Variants in STIMATE observed in about 807,000 individuals in gnomAD.
The protein encoded by STIMATE is STIM activating enhancer, also known as store-operated calcium entry regulator STIMATE.
In STIMATE, 15 loss-of-function variants were observed where a neutral mutation model predicts 36.7. The ratio of observed to expected loss-of-function variants is 0.41; its 90% CI spans 0.27 to 0.63. The LOEUF (loss-of-function observed/expected upper bound fraction) is 0.63. Ranked by LOEUF, STIMATE falls within the 20% of genes least tolerant of loss-of-function variation. The pLI is 0.32. For synonymous variants in STIMATE, 163 were observed against 162.3 expected (o/e 1.00, Z -0.03); for missense variants, 305 against 397.3 (o/e 0.77, Z 1.98).
In STIMATE at chr3:52,887,994, G is replaced by GTTTTTT. The variant is rs71087029; in HGVS notation, c.160+9291_160+9296dup. 1.3e-4 allele frequency among the ~76,000 whole-genome samples: 7 copies of GTTTTTT among 52,718 alleles called. 2 individuals are homozygous for GTTTTTT. Among genetic ancestry groups the GTTTTTT allele is most frequent in the Admixed American group, 3.0e-4 (1 of 3,368 alleles). The allele number at this position is 52,718 out of a possible 152,430, so 34.6% of individuals were successfully genotyped here. ...GCTCTAACTTCATATAACAGAATCA[G>GTTTTTT]TTTTTTTTTTTTTTTTTTTTTTTTT... On this transcript the variant is annotated intron_variant, in intron 1 of 7. Transcript: ENST00000355083.
chr3:52,872,027 G>GA (rs1477361178), intron 1 of STIMATE, among the ~76,000 whole-genome samples: 2 of 152,078 alleles, frequency 1.3e-5, no homozygotes, highest in African/African-American at 4.8e-5. Context: ...CTTCTCCCGG[G>GA]TCACCAAGTG....
Position 52,840,296 on chromosome 3 carries a change from T to C in STIMATE, c.*198A>G, listed in dbSNP as rs1700773185. The C allele has an allele frequency of 3.6e-6, 2 of 555,394 alleles. No individual in the cohort carries two copies. Among genetic ancestry groups the C allele is most frequent in the South Asian group, 2.5e-5 (1 of 39,740 alleles). 34.4% of individuals were successfully genotyped at this position (555,394 alleles called of 1,614,324 possible). A position where few individuals can be genotyped will look rare whatever the true frequency, so the allele number is the denominator to read the frequency against. ...CTGAATGGGGACCTCCAGCCGCCAG[T>C]GGCCCCCTCGGGCGCTGGCTCCTCT... On this transcript the variant is annotated 3_prime_UTR_variant, in exon 8 of 8. Transcript: ENST00000355083.
intron 2 of STIMATE, among the ~76,000 whole-genome samples, 170 bp from the exon 3 acceptor site, chr3:52,852,868 T>A (rs575757721): frequency 6.6e-6 from 1 of 152,232 alleles, no homozygotes; most frequent in Non-Finnish European, 1.5e-5. Context: ...CAGCCACCTT[T>A]CAAAGCCTTC....
At chr3:52,853,229 C>T (rs1430255195) in intron 2 of STIMATE, among the ~76,000 whole-genome samples, 1 of 152,218 alleles carries the variant, frequency 6.6e-6, no homozygotes, top group Non-Finnish European at 1.5e-5. Flanking sequence ...AATTCCTCAG[C>T]CCTGCCGCTA....
chr3:52,884,002 T>C (rs955318721), intron 1 of STIMATE, among the ~76,000 whole-genome samples: 1 of 152,194 alleles, frequency 6.6e-6, no homozygotes, highest in Non-Finnish European at 1.5e-5. Flanking sequence ...GTTAGTTACA[T>C]TGTTAAGTGT....
At chr3:52,877,135 T>A (rs2106712445) in intron 1 of STIMATE, among the ~76,000 whole-genome samples, 1 of 152,370 alleles carries the variant, frequency 6.6e-6, no homozygotes, top group Middle Eastern at 3.4e-3. Flanking sequence ...TGCCTGTGGC[T>A]GCTTCTGCCA....
rs557552756 is a variant in STIMATE at position 52,866,623 on chromosome 3, C to T, written c.161-11179G>A. Among the ~76,000 whole-genome samples, 28 of 152,332 alleles carry T rather than the reference C, an allele frequency of 1.8e-4. No homozygotes were observed. The East Asian group carries it at 2.5e-3, about 14-fold the overall frequency. ...CCCAGGTCACCGACTGCTCACTTAA[C>T]GCTATGTTGTTTGGTTTTCCACACG... is the stretch of plus-strand genomic sequence containing the variant. On this transcript the variant is annotated intron_variant, in intron 1 of 7. Transcript: ENST00000355083.
chr3:52,840,793 G>A (rs547861722), intron 7 of STIMATE, among the ~76,000 whole-genome samples, 183 bp from the exon 8 acceptor site: 1 of 151,596 alleles, frequency 6.6e-6, no homozygotes, highest in South Asian at 2.1e-4. Flanking sequence ...TCTGCCTCCT[G>A]GGTTCGAGTG....
intron 1 of STIMATE, among the ~76,000 whole-genome samples, chr3:52,855,929 G>C (rs1283930311): frequency 1.3e-5 from 2 of 152,230 alleles, no homozygotes. Context: ...ACACGTGCTA[G>C]AGAAGAGTGA....
At chr3:52,854,391 T>C (rs1701056738) in intron 2 of STIMATE, among the ~76,000 whole-genome samples, 1 of 152,184 alleles carries the variant, frequency 6.6e-6, no homozygotes, top group African/African-American at 2.4e-5. Flanking sequence ...AGGGAGGGGC[T>C]GGAGACTGAG....
chr3:52,869,619 G>A (rs1190401627), intron 1 of STIMATE, among the ~76,000 whole-genome samples: 2 of 152,148 alleles, frequency 1.3e-5, no homozygotes, highest in Non-Finnish European at 2.9e-5. Context: ...GCATCTGCCT[G>A]TCTCCCACTA....
chr3:52,857,465 G>C (rs1701125969), intron 1 of STIMATE, among the ~76,000 whole-genome samples: 1 of 152,158 alleles, frequency 6.6e-6, no homozygotes, highest in African/African-American at 2.4e-5. Context: ...ACTGTTTGGA[G>C]GGAACGCCCC....
intron 1 of STIMATE, among the ~76,000 whole-genome samples, chr3:52,882,907 A>T (rs1376801508): frequency 6.6e-6 from 1 of 152,154 alleles, no homozygotes; most frequent in Non-Finnish European, 1.5e-5. Flanking sequence ...CGCCGAGAGC[A>T]CTTGATTTCC....
intron 6 of STIMATE, 133 bp from the exon 7 acceptor site, chr3:52,843,093 A>C: frequency 7.0e-7 from 1 of 1,425,266 alleles, no homozygotes; most frequent in Non-Finnish European, 9.4e-7. Context: ...CAATCCAATC[A>C]CCCTGCTCTC....
intron 1 of STIMATE, among the ~76,000 whole-genome samples, chr3:52,886,760 G>A (rs1476301603): frequency 6.6e-6 from 1 of 152,224 alleles, no homozygotes; most frequent in African/African-American, 2.4e-5. Context: ...AGAGCTGGAG[G>A]AGCAACCCTA....
At chr3:52,890,843 G>A (rs925062701) in intron 1 of STIMATE, among the ~76,000 whole-genome samples, 1 of 152,150 alleles carries the variant, frequency 6.6e-6, no homozygotes, top group African/African-American at 2.4e-5. Flanking sequence ...GCGAGTAAAG[G>A]GACTCCGTGC....
intron 4 of STIMATE, among the ~76,000 whole-genome samples, chr3:52,846,788 G>A (rs1410686356): frequency 6.6e-6 from 1 of 152,232 alleles, no homozygotes; most frequent in Non-Finnish European, 1.5e-5. Context: ...AGAAGCACAC[G>A]TGGCTGCTGT....
intron 1 of STIMATE, among the ~76,000 whole-genome samples, chr3:52,882,954 C>T (rs1415148837): frequency 1.3e-5 from 2 of 152,200 alleles, no homozygotes. Context: ...CACATCCCTG[C>T]ACTGCTTCTC....
chr3:52,895,284 C>G (rs1701847842), intron 1 of STIMATE, among the ~76,000 whole-genome samples: 1 of 152,232 alleles, frequency 6.6e-6, no homozygotes, highest in African/African-American at 2.4e-5. Flanking sequence ...TGGGCTTCTT[C>G]TTGTCCAGCT....
Sources: gnomAD v4.1 joint callset for allele counts (sites outside exome capture counted in the v4.1 genomes callset) on GRCh38, gnomAD v4.1.1 for gene constraint, MANE v1.5 for transcripts, NCBI Gene and HGNC (gene_info 2026-07-23, HGNC 2026-07-21) for gene names.